The following UPK1A variants were observed in gnomAD, a reference collection of about 807,000 sequenced individuals.
The protein encoded by UPK1A is uroplakin 1A.
In UPK1A, 31 loss-of-function variants were observed where a neutral mutation model predicts 32.3. The ratio of observed to expected loss-of-function variants is 0.96; its 90% CI spans 0.72 to 1.30. The LOEUF (loss-of-function observed/expected upper bound fraction) is 1.30, where lower values mean the gene tolerates loss of function less well. UPK1A is among the 50% of genes most tolerant of loss of function. UPK1A has a pLI of 0.00. For synonymous variants in UPK1A, 135 were observed against 137.1 expected, an observed-to-expected ratio of 0.98 and a Z score of 0.11; for missense variants, 340 against 357.4, an observed-to-expected ratio of 0.95 and a Z score of 0.39.
intron 2 of UPK1A, among the ~76,000 whole-genome samples, chr19:35,667,304 GTT>G (rs1375436292): frequency 1.5e-5 from 2 of 136,190 alleles, no homozygotes; most frequent in African/African-American, 5.8e-5. Context: ...TTGGTTTTGT[GTT>G]TTTTGTTTTG....
intron 5 of UPK1A, among the ~76,000 whole-genome samples, chr19:35,675,315 C>T (rs187747202): frequency 3.3e-5 from 5 of 152,008 alleles, no homozygotes; most frequent in Admixed American, 3.3e-4. Flanking sequence ...GAGTTTCATT[C>T]TTGATTCCCA....
chr19:35,666,821 T>C, exon 2 of UPK1A: 1 of 1,614,112 alleles, frequency 6.2e-7, no homozygotes, highest in Non-Finnish European at 8.5e-7. Flanking sequence ...TGATGGCGTC[T>C]GCGGCAGCAG....
chr19:35,675,465 G>T (rs1241330110), intron 5 of UPK1A, among the ~76,000 whole-genome samples: 2 of 151,944 alleles, frequency 1.3e-5, no homozygotes, highest in African/African-American at 4.8e-5. Flanking sequence ...ATTTTTAGTA[G>T]AGACGGGGTT....
intron 6 of UPK1A, chr19:35,676,233 C>T: frequency 2.9e-6 from 2 of 690,138 alleles, no homozygotes; most frequent in South Asian, 3.3e-5. Context: ...CTCTGTCACC[C>T]AGGCTGGAGT....
chr19:35,673,521 C>T (rs760111506), exon 5 of UPK1A: 3 of 1,613,544 alleles, frequency 1.9e-6, no homozygotes, highest in Non-Finnish European at 2.5e-6. Flanking sequence ...AGCTGACCCG[C>T]CTCTGGGACC....
chr19:35,674,241 CTTTTTTTTT>C lies in UPK1A; in HGVS notation c.468+711_468+719del, dbSNP rs35857173. On this transcript the variant is annotated intron_variant, in intron 5 of 7. Transcript: ENST00000617999. ...AGCACATTTTTTTTTTTCTTTTTAT[CTTTTTTTTT>C]TTTTTTTTTTTTTTGAGACAGAGTC... Among the ~76,000 whole-genome samples the C allele has an allele frequency of 2.9e-3, 283 of 98,984 alleles. 2 individuals carry two copies. The highest frequency in any genetic ancestry group is 9.9e-3 in the African/African-American group (250 of 25,194). 64.9% of individuals were successfully genotyped at this position (98,984 alleles called of 152,430 possible).
At chr19:35,672,958 C>G (rs1968124326) in intron 3 of UPK1A, among the ~76,000 whole-genome samples, 1 of 151,858 alleles carries the variant, frequency 6.6e-6, no homozygotes, top group Admixed American at 6.6e-5. Flanking sequence ...CTCAGGTGAT[C>G]GCCCCCTCGG....
intron 3 of UPK1A, among the ~76,000 whole-genome samples, chr19:35,671,776 A>G (rs1158696561): frequency 6.6e-6 from 1 of 151,912 alleles, no homozygotes; most frequent in Non-Finnish European, 1.5e-5. Context: ...AATTTCTTAC[A>G]GGAAATTTCT....
At chr19:35,667,217 G>T (rs768768667) in intron 2 of UPK1A, among the ~76,000 whole-genome samples, 8 of 152,176 alleles carry the variant, frequency 5.3e-5, no homozygotes, top group Non-Finnish European at 7.3e-5. Context: ...GCATCACTAT[G>T]GATATAAAGT....
At chr19:35,677,209 CT>C (rs1267648569) in intron 6 of UPK1A, among the ~76,000 whole-genome samples, 1 of 148,014 alleles carries the variant, frequency 6.8e-6, no homozygotes, top group Non-Finnish European at 1.5e-5. Flanking sequence ...AGGCAAGAGA[CT>C]TAAAAAAGGC....
intron 5 of UPK1A, among the ~76,000 whole-genome samples, chr19:35,673,944 G>A (rs946677329): frequency 7.2e-5 from 11 of 152,046 alleles, no homozygotes; most frequent in Non-Finnish European, 1.6e-4. Flanking sequence ...GTCTTGCTCT[G>A]TTGCCCAGGC....
intron 3 of UPK1A, among the ~76,000 whole-genome samples, chr19:35,670,489 T>TCCTCC (rs1370682545): frequency 1.5e-5 from 1 of 67,500 alleles, no homozygotes; most frequent in Non-Finnish European, 2.8e-5. Flanking sequence ...AGCCATGGAC[T>TCCTCC]CCTCCCCTCC....
chr19:35,672,119 TA>T (rs1968111163), intron 3 of UPK1A, among the ~76,000 whole-genome samples: 1 of 152,230 alleles, frequency 6.6e-6, no homozygotes, highest in Admixed American at 6.5e-5. Flanking sequence ...GAATTTGCAT[TA>T]AACATCAACT....
chr19:35,668,103 T>C, intron 2 of UPK1A: 1 of 373,050 alleles, frequency 2.7e-6, no homozygotes, highest in Non-Finnish European at 5.1e-6. Context: ...GTAATGTTTA[T>C]GGCCATGGCC....
At chr19:35,677,532 C>CAA (rs56715648) in intron 6 of UPK1A, among the ~76,000 whole-genome samples, 5 of 123,092 alleles carry the variant, frequency 4.1e-5, no homozygotes, top group African/African-American at 6.0e-5. Flanking sequence ...AGACTGTCTC[C>CAA]AAAAAAAAAA....
intron 5 of UPK1A, 150 bp downstream of exon 5, chr19:35,673,695 G>A: frequency 2.9e-6 from 2 of 694,188 alleles, no homozygotes; most frequent in Non-Finnish European, 4.7e-6. Flanking sequence ...GGTCATCACC[G>A]TTCTGCGGAT....
intron 3 of UPK1A, among the ~76,000 whole-genome samples, chr19:35,671,491 TCAG>T (rs1456046660): frequency 8.4e-6 from 1 of 119,188 alleles, no homozygotes; most frequent in African/African-American, 3.3e-5. Context: ...GGAGTCTTGC[TCAG>T]TTGCCCAGGC....
chr19:35,668,385 C>G (rs1315657577), intron 2 of UPK1A, 69 bp from the exon 3 acceptor site: 1 of 1,591,996 alleles, frequency 6.3e-7, no homozygotes, highest in Non-Finnish European at 8.6e-7. Context: ...AGGGAACTTG[C>G]TCGTGGAGAT....
At chr19:35,676,907 A>C (rs1023905188) in intron 6 of UPK1A, among the ~76,000 whole-genome samples, 2 of 151,876 alleles carry the variant, frequency 1.3e-5, no homozygotes, top group African/African-American at 4.8e-5. Context: ...TCAAACAAAA[A>C]AAAACAAAAC....
Sources: allele counts gnomAD v4.1 joint callset (sites outside exome capture counted in the v4.1 genomes callset), GRCh38; gene constraint gnomAD v4.1.1; transcripts MANE v1.5; gene names NCBI Gene and HGNC (gene_info 2026-07-23, HGNC 2026-07-21).